Variants in TENM1 observed in about 807,000 individuals in gnomAD.
TENM1 encodes the protein teneurin transmembrane protein 1.
In TENM1, 35 loss-of-function variants were observed where a neutral mutation model predicts 174.8. The ratio of observed to expected loss-of-function variants is 0.20; its 90% confidence interval spans 0.15 to 0.27. The LOEUF (loss-of-function observed/expected upper bound fraction) is 0.27, where lower values mean the gene tolerates loss of function less well. TENM1 is among the 10% of genes least tolerant of loss of function. The pLI is 1.00. For synonymous variants in TENM1, 781 were observed against 798.7 expected (o/e 0.98, Z 0.37); for missense variants, 1,633 against 2,130.1 (o/e 0.77, Z 4.59).
chrX:125,153,881 T>G, the TENM1 span, among the ~76,000 whole-genome samples: 2 of 112,402 alleles, frequency 1.8e-5, no homozygotes, highest in Non-Finnish European at 3.8e-5. Flanking sequence ...AATAGACCAG[T>G]TTGATTGTCA....
At chrX:124,468,730 G>A (rs761332675) in intron 22 of TENM1, among the ~76,000 whole-genome samples, 6 of 111,829 alleles carry the variant, frequency 5.4e-5, no homozygotes, top group African/African-American at 1.6e-4. Context: ...TAATGTGAAC[G>A]TACTTAATGC....
intron 11 of TENM1, among the ~76,000 whole-genome samples, chrX:124,615,800 T>C (rs1280373339): frequency 8.9e-6 from 1 of 111,990 alleles, no homozygotes; most frequent in Non-Finnish European, 1.9e-5. Context: ...AATATTTTTA[T>C]TGAGCATCTA....
chrX:124,563,239 G>A (rs952114637), intron 13 of TENM1, among the ~76,000 whole-genome samples: 13 of 110,216 alleles, frequency 1.2e-4, no homozygotes, highest in African/African-American at 4.3e-4. Flanking sequence ...CTCCTTGGAG[G>A]GATGGATGAT....
intron 18 of TENM1, among the ~76,000 whole-genome samples, chrX:124,506,089 AGT>A (rs1031388506): frequency 3.6e-5 from 4 of 111,754 alleles, no homozygotes; most frequent in African/African-American, 1.3e-4. Context: ...AATAATTACA[AGT>A]TCCCTTAAAG....
intron 23 of TENM1, among the ~76,000 whole-genome samples, chrX:124,451,961 G>A (rs2061042451): frequency 8.9e-6 from 1 of 111,820 alleles, no homozygotes; most frequent in African/African-American, 3.3e-5. Flanking sequence ...CATAGGCATG[G>A]GCAAGGACTT....
intron 3 of TENM1, among the ~76,000 whole-genome samples, chrX:124,844,857 C>T (rs927565327): frequency 2.7e-5 from 3 of 110,982 alleles, no homozygotes; most frequent in Non-Finnish European, 3.8e-5. Context: ...ACTCCTGACC[C>T]CCTACTGTTT....
the TENM1 span, among the ~76,000 whole-genome samples, chrX:125,041,010 A>G: frequency 2.7e-5 from 3 of 111,566 alleles, no homozygotes; most frequent in Non-Finnish European, 5.7e-5. Context: ...TTGGGGAATC[A>G]TTAAAACAAT....
intron 22 of TENM1, among the ~76,000 whole-genome samples, chrX:124,466,902 T>G (rs770593054): frequency 2.0e-4 from 22 of 111,754 alleles, no homozygotes; most frequent in South Asian, 3.8e-4. Flanking sequence ...CAGAATCTAT[T>G]CTGATGGATT....
At chrX:124,918,450 GATTAC>G (rs2057964847) in intron 1 of TENM1, among the ~76,000 whole-genome samples, 1 of 110,272 alleles carries the variant, frequency 9.1e-6, no homozygotes, top group Non-Finnish European at 1.9e-5. Flanking sequence ...ATAGTGTTGG[GATTAC>G]AGGCTTGAGC....
At chrX:124,918,079 T>G (rs2147665731) in intron 1 of TENM1, among the ~76,000 whole-genome samples, 1 of 112,057 alleles carries the variant, frequency 8.9e-6, no homozygotes, top group East Asian at 2.8e-4. Context: ...CTACCCAGAC[T>G]CCCTGGCCTG....
chrX:124,739,496 C>T (rs898724105), intron 3 of TENM1, among the ~76,000 whole-genome samples: 4 of 111,039 alleles, frequency 3.6e-5, no homozygotes, highest in Non-Finnish European at 5.7e-5. Flanking sequence ...TTTTTCTGTA[C>T]GTGTTTTTGT....
At chrX:125,008,774 G>A in the TENM1 span, among the ~76,000 whole-genome samples, 2 of 111,907 alleles carry the variant, frequency 1.8e-5, no homozygotes, top group Non-Finnish European at 3.8e-5. Context: ...ACCGGCTCCT[G>A]AATGACTCCT....
At position 124,388,171 on chromosome X, in the gene TENM1, G is replaced by T. The variant is rs192400546; in HGVS notation, c.5689-2107C>A. On this transcript the variant is annotated intron_variant, in intron 28 of 31. Coordinates refer to ENST00000422452, the Ensembl canonical transcript of TENM1. The stretch of plus-strand genomic sequence containing the variant: ...CATCTGTCACCTGTGACACGGGCCA[G>T]GGACTATCACCATATGGCCCCCACA... Among the ~76,000 whole-genome samples, 173 of 111,738 alleles carry T rather than the reference G, an allele frequency of 1.5e-3. 1 individual carries two copies. Among genetic ancestry groups the T allele is most frequent in the African/African-American group, 5.1e-3 (158 of 30,752 alleles).
chrX:124,711,785 G>A (rs1180851800), intron 4 of TENM1, among the ~76,000 whole-genome samples: 2 of 111,789 alleles, frequency 1.8e-5, no homozygotes, highest in Non-Finnish European at 3.8e-5. Flanking sequence ...TATTGACATG[G>A]TTATAGAACA....
the TENM1 span, among the ~76,000 whole-genome samples, chrX:125,102,050 G>C: frequency 9.0e-6 from 1 of 111,464 alleles, no homozygotes; most frequent in Admixed American, 9.5e-5. Flanking sequence ...TTGATCTTGA[G>C]GTACAAAATA....
intron 11 of TENM1, among the ~76,000 whole-genome samples, chrX:124,582,549 T>C (rs766745386): frequency 1.3e-4 from 15 of 111,959 alleles, no homozygotes; most frequent in Admixed American, 9.5e-5. Context: ...TATTGGTATA[T>C]AGAAATGCTA....
the TENM1 span, among the ~76,000 whole-genome samples, chrX:125,085,950 C>A: frequency 3.6e-5 from 4 of 110,175 alleles, no homozygotes; most frequent in African/African-American, 1.3e-4. Flanking sequence ...ATAGTAAATT[C>A]TATTTGTTTC....
rs185519995 is a variant in TENM1 at position 124,698,668 on chromosome X, A to C, written c.1015+6345T>G. Among the ~76,000 whole-genome samples the C allele has an allele frequency of 2.4e-4, 27 of 111,484 alleles. No individual in the cohort carries two copies. The East Asian group carries it at 6.7e-3, about 28-fold the overall frequency. ...CAACTCTCCATTTGTTCTGGGAATAAATTTCAAGGTCCTTACCATGGCTTA... is the reference window on the plus strand; with the variant it reads ...CAACTCTCCATTTGTTCTGGGAATACATTTCAAGGTCCTTACCATGGCTTA... On this transcript the variant is annotated intron_variant, in intron 5 of 31. Transcript: ENST00000422452.
intron 3 of TENM1, among the ~76,000 whole-genome samples, chrX:124,877,797 A>T (rs2057233357): frequency 9.0e-6 from 1 of 111,523 alleles, no homozygotes. Context: ...AAACATAACT[A>T]CTAGTGGTCT....
Sources: gnomAD v4.1 joint callset for allele counts (sites outside exome capture counted in the v4.1 genomes callset) on GRCh38, gnomAD v4.1.1 for gene constraint, MANE v1.5 for transcripts, NCBI Gene and HGNC (gene_info 2026-07-23, HGNC 2026-07-21) for gene names.